FAM107A: variants seen among roughly 807,000 people sequenced by gnomAD.
The protein encoded by FAM107A is actin-associated protein FAM107A.
FAM107A carries 19 observed loss-of-function variants against 13.7 expected under a neutral mutation model. That is an observed-to-expected ratio of 1.38 (90% CI 0.97 to 2.03). FAM107A has a LOEUF of 2.03. Among genes scored for constraint, FAM107A ranks in the 30% most tolerant of loss-of-function variants. The pLI is 0.00. For synonymous variants in FAM107A, 82 were observed against 74.5 expected, an observed-to-expected ratio of 1.10 and a Z score of -0.52; for missense variants, 203 against 184.4, an observed-to-expected ratio of 1.10 and a Z score of -0.58.
At chr3:58,588,990 G>A (rs4681693), upstream of FAM107A, among the ~76,000 whole-genome samples, 72,299 of 151,998 alleles carry the variant, frequency 0.48, 17,788 homozygotes, top group Middle Eastern at 0.56. Context: ...GAGGAAATAC[G>A]GCACAAGTGA....
upstream of FAM107A, chr3:58,577,583 G>A (rs2063741672): frequency 7.1e-6 from 7 of 985,406 alleles, no homozygotes; most frequent in Non-Finnish European, 8.4e-6. The surrounding 1 kb of genome is among the most constrained non-coding windows in gnomAD (Gnocchi z 4.9). Context: ...CAAGCCACAC[G>A]CTTGAGAGGC....
chr3:58,596,182 T>G (rs950775150), intron 1 of FAM107A, among the ~76,000 whole-genome samples: 2 of 152,166 alleles, frequency 1.3e-5, no homozygotes, highest in African/African-American at 4.8e-5. Flanking sequence ...CCTCTTGGCA[T>G]TGGTCACTGG....
At chr3:58,570,621 G>GAGAGAGAC (rs1559474871) in intron 1 of FAM107A, among the ~76,000 whole-genome samples, 6 of 110,326 alleles carry the variant, frequency 5.4e-5, no homozygotes, top group Non-Finnish European at 1.2e-4. Context: ...GAGAGAGAGA[G>GAGAGAGAC]AGAGAGAGAG....
At position 58,595,133 on chromosome 3, in the gene FAM107A, C is replaced by T. The variant is rs368059708; in HGVS notation, c.-69-5864G>A. Among the ~76,000 whole-genome samples, 3 of 152,054 alleles carry T rather than the reference C, an allele frequency of 2.0e-5. No individual in the cohort carries two copies. The East Asian group carries it at 5.8e-4, about 29-fold the overall frequency. ...ATCTCTCCCACTCTAGGTTCCCACA[C>T]CCCCCCAGTCCCACTCGAAGCAGCC... On this transcript the variant is annotated intron_variant, in intron 1 of 3. Coordinates refer to the FAM107A transcript ENST00000465970.
At chr3:58,578,676 T>A (rs892736503), upstream of FAM107A, among the ~76,000 whole-genome samples, 11 of 152,212 alleles carry the variant, frequency 7.2e-5, no homozygotes, top group African/African-American at 2.4e-4. Flanking sequence ...TTCTCCTAAT[T>A]TCAGAATCAG....
chr3:58,598,705 C>A (rs1005611872), intron 1 of FAM107A, among the ~76,000 whole-genome samples: 6 of 152,220 alleles, frequency 3.9e-5, no homozygotes, highest in African/African-American at 1.4e-4. Context: ...GCCCCAATCT[C>A]ACCCCTTTCC....
At chr3:58,606,630 G>A (rs2065797177) in intron 1 of FAM107A, among the ~76,000 whole-genome samples, 1 of 152,234 alleles carries the variant, frequency 6.6e-6, no homozygotes, top group Non-Finnish European at 1.5e-5. Context: ...CTGTTTAAGT[G>A]AGCTTAATCC....
chr3:58,567,624 A>C (rs2063636083), intron 2 of FAM107A, among the ~76,000 whole-genome samples: 1 of 152,192 alleles, frequency 6.6e-6, no homozygotes, highest in Non-Finnish European at 1.5e-5. Context: ...GCAGAGACCA[A>C]GTTTTATGTT....
chr3:58,577,284 T>C lies in FAM107A; in HGVS notation c.-6+25A>G. On this transcript the variant is annotated intron_variant, in intron 1 of 3. Transcript: ENST00000360997. This position sits in a 1 kb window ranked among gnomAD's most constrained non-coding sequence, Gnocchi z 4.9. ...GAACGGCACCGCTCTCAACAGCAGA[T>C]GAAACAGAACAGAGATGGTCTTACT... The C allele has an allele frequency of 1.0e-6, 1 of 980,874 alleles. No individual in the cohort carries two copies. Among genetic ancestry groups the C allele is most frequent in the Non-Finnish European group, 1.2e-6 (1 of 825,804 alleles). 60.8% of individuals were successfully genotyped at this position (980,874 alleles called of 1,614,324 possible). A position where few individuals can be genotyped will look rare whatever the true frequency, so the allele number is the denominator to read the frequency against.
At chr3:58,600,457 A>G (rs187559063) in intron 1 of FAM107A, among the ~76,000 whole-genome samples, 15 of 152,320 alleles carry the variant, frequency 9.8e-5, no homozygotes, top group Non-Finnish European at 1.2e-4. Flanking sequence ...TGTGGCAGCT[A>G]TATCGTCATC....
upstream of FAM107A, chr3:58,589,137 G>A (rs1336511384): frequency 4.0e-6 from 4 of 999,886 alleles, no homozygotes; most frequent in South Asian, 2.8e-5. Flanking sequence ...GCCATGGGAT[G>A]TACTTTTGTG....
At position 58,604,215 on chromosome 3, in the gene FAM107A, G is replaced by T. The variant is rs945736491; in HGVS notation, c.-69-14946C>A. 4.6e-5 allele frequency among the ~76,000 whole-genome samples: 7 copies of T among 152,024 alleles called. No individual in the cohort carries two copies. Among genetic ancestry groups the T allele is most frequent in the African/African-American group, 9.7e-5 (4 of 41,382 alleles). ...TGCTAGGAGACATTTCTCAAGAAAG[G>T]TTCCTTTGGAAAATGAGCTCAGTCT... is the stretch of plus-strand genomic sequence containing the variant. On this transcript the variant is annotated intron_variant, in intron 1 of 3. Coordinates refer to the FAM107A transcript ENST00000465970. The surrounding 1 kb of genome is among the most constrained non-coding windows in gnomAD (Gnocchi z 4.1).
chr3:58,625,908 G>A lies in FAM107A; in HGVS notation c.-70+1508C>T, dbSNP rs945315430. Reference sequence around the variant, plus strand: ...ACCTTGATGGAACAGGTCATCACTGGTTGTCTGAGGATCAGAGTCCCATGT... The same window carrying A: ...ACCTTGATGGAACAGGTCATCACTGATTGTCTGAGGATCAGAGTCCCATGT... On this transcript the variant is annotated intron_variant, in intron 1 of 3. Transcript: ENST00000465970. Among the ~76,000 whole-genome samples the A allele has an allele frequency of 2.6e-5, 4 of 152,358 alleles. No individual in the cohort carries two copies. In the East Asian group the frequency reaches 7.7e-4, roughly 29 times the overall value.
upstream of FAM107A, among the ~76,000 whole-genome samples, chr3:58,580,540 A>G (rs2065525173): frequency 6.6e-6 from 1 of 151,238 alleles, no homozygotes; most frequent in Non-Finnish European, 1.5e-5. Context: ...TCAGTCTCCC[A>G]AGTAGCTGAG....
chr3:58,623,206 C>T (rs544017069), intron 1 of FAM107A, among the ~76,000 whole-genome samples: 2 of 152,198 alleles, frequency 1.3e-5, no homozygotes, highest in Non-Finnish European at 1.5e-5. Flanking sequence ...CAAATTTAGC[C>T]ATAGTGCTTC....
At chr3:58,592,562 C>G (rs1037689266) in intron 1 of FAM107A, among the ~76,000 whole-genome samples, 6 of 152,284 alleles carry the variant, frequency 3.9e-5, no homozygotes, top group African/African-American at 1.2e-4. Context: ...GTTTGGCCTT[C>G]CCACCTCTAT....
In FAM107A at chr3:58,566,614, G is replaced by A. The variant is rs1559472634; in HGVS notation, c.409C>T (p.Leu137=). The A allele has an allele frequency of 1.2e-6, 2 of 1,613,746 alleles. No homozygotes were observed. The highest frequency in any genetic ancestry group is 4.5e-5 in the East Asian group (2 of 44,876). Residue 137 remains leucine, a synonymous_variant, in exon 4 of 4, where the codon CTG becomes TTG. Coordinates refer to ENST00000360997, the MANE Select transcript of FAM107A (RefSeq NM_001076778.3). ...VRENLRRIAT[L]TSEEREL is the part of the protein sequence containing the mutation. ...TACAGCTCTCTCTCTTCGCTGGTCA[G>A]TGTGGCAATTCTCCGCAGGTTTTCC...
At chr3:58,612,079 C>T (rs1196483924) in intron 1 of FAM107A, among the ~76,000 whole-genome samples, 1 of 152,082 alleles carries the variant, frequency 6.6e-6, no homozygotes. Context: ...CATGTCCTCA[C>T]ATACACATAG....
Position 58,604,208 on chromosome 3 carries a change from A to T in FAM107A, c.-69-14939T>A, listed in dbSNP as rs2065774860. On this transcript the variant is annotated intron_variant, in intron 1 of 3. Coordinates refer to the FAM107A transcript ENST00000465970. The surrounding 1 kb of genome is among the most constrained non-coding windows in gnomAD (Gnocchi z 4.1). ...AGCTGGTTGCTAGGAGACATTTCTC[A>T]AGAAAGGTTCCTTTGGAAAATGAGC... is the stretch of plus-strand genomic sequence containing the variant. Among the ~76,000 whole-genome samples, 1 of 152,072 alleles carries T rather than the reference A, an allele frequency of 6.6e-6. No homozygotes were observed. The highest frequency in any genetic ancestry group is 2.4e-5 in the African/African-American group (1 of 41,398).
Sources: gnomAD v4.1 joint callset for allele counts (sites outside exome capture counted in the v4.1 genomes callset) on GRCh38, gnomAD v4.1.1 for gene constraint, Gnocchi (gnomAD v3.1) non-coding constraint, MANE v1.5 for transcripts, NCBI Gene and HGNC (gene_info 2026-07-23, HGNC 2026-07-21) for gene names.